The following LDLRAD4 variants were observed in gnomAD, a reference collection of about 807,000 sequenced individuals.
The protein encoded by LDLRAD4 is low-density lipoprotein receptor class A domain-containing protein 4.
In LDLRAD4, 5 loss-of-function variants were observed where a neutral mutation model predicts 17.0. The ratio of observed to expected loss-of-function variants is 0.29; its 90% CI spans 0.15 to 0.62. The LOEUF (loss-of-function observed/expected upper bound fraction) is 0.62, where lower values mean the gene tolerates loss of function less well. Ranked by LOEUF, LDLRAD4 falls within the 20% of genes least tolerant of loss-of-function variation. The pLI is 0.84. For synonymous variants in LDLRAD4, 168 were observed against 171.8 expected (o/e 0.98, Z 0.17); for missense variants, 340 against 424.7 (o/e 0.80, Z 1.75).
intron 3 of LDLRAD4, among the ~76,000 whole-genome samples, chr18:13,545,412 A>AT (rs982049993): frequency 1.3e-5 from 2 of 152,184 alleles, no homozygotes; most frequent in African/African-American, 4.8e-5. Flanking sequence ...GCCCTTAGTT[A>AT]AAGTGTGGGA....
At chr18:13,650,312 G>A in exon 6 of LDLRAD4, 1 of 403,064 alleles carries the variant, frequency 2.5e-6, no homozygotes, top group Non-Finnish European at 4.4e-6. Flanking sequence ...TCTGAGTGTA[G>A]GAATGTCTTG....
intron 2 of LDLRAD4, among the ~76,000 whole-genome samples, chr18:13,409,228 A>G (rs899022355): frequency 6.6e-6 from 1 of 152,226 alleles, no homozygotes; most frequent in African/African-American, 2.4e-5. Flanking sequence ...AGATGAGACC[A>G]GGCCTCATGG....
chr18:13,461,230 G>A (rs1197776739), intron 3 of LDLRAD4: 1 of 152,460 alleles, frequency 6.6e-6, no homozygotes, highest in African/African-American at 2.4e-5. Flanking sequence ...GTAGGCAGGG[G>A]TCTTCGTGGC....
intron 3 of LDLRAD4, among the ~76,000 whole-genome samples, chr18:13,514,328 A>G (rs968910647): frequency 2.6e-5 from 4 of 152,246 alleles, no homozygotes; most frequent in Admixed American, 1.3e-4. Context: ...TACTGTGGGA[A>G]TTAGATGAAT....
At chr18:13,298,451 A>G (rs377676456) in intron 1 of LDLRAD4, among the ~76,000 whole-genome samples, 9 of 132,830 alleles carry the variant, frequency 6.8e-5, no homozygotes, top group East Asian at 4.8e-4. Context: ...GGGCACGGCA[A>G]TTTTGCTGCT....
intron 2 of LDLRAD4, among the ~76,000 whole-genome samples, chr18:13,434,085 A>T (rs139971815): frequency 6.6e-6 from 1 of 152,208 alleles, no homozygotes; most frequent in African/African-American, 2.4e-5. Flanking sequence ...TTAAGATTTG[A>T]TGACTCTGGG....
At chr18:13,364,118 A>G (rs2083887082) in intron 1 of LDLRAD4, among the ~76,000 whole-genome samples, 1 of 152,370 alleles carries the variant, frequency 6.6e-6, no homozygotes, top group African/African-American at 2.4e-5. Flanking sequence ...ATCATATCAT[A>G]GTATCTGTAA....
At chr18:13,265,038 C>T (rs1428360473) in intron 1 of LDLRAD4, among the ~76,000 whole-genome samples, 1 of 152,210 alleles carries the variant, frequency 6.6e-6, no homozygotes, top group African/African-American at 2.4e-5. Flanking sequence ...TGACCCCCTC[C>T]TGGCTCCCTG....
At chr18:13,319,291 G>C (rs891591046) in intron 1 of LDLRAD4, among the ~76,000 whole-genome samples, 3 of 152,182 alleles carry the variant, frequency 2.0e-5, no homozygotes, top group East Asian at 1.9e-4. Flanking sequence ...CCCAGTTCAC[G>C]GGCGAGTAAC....
intron 1 of LDLRAD4, among the ~76,000 whole-genome samples, chr18:13,283,887 A>G (rs1406749894): frequency 6.6e-6 from 1 of 152,198 alleles, no homozygotes; most frequent in East Asian, 1.9e-4. Context: ...ATCGTGGCTG[A>G]GGGCAAAAGG....
At chr18:13,301,187 G>A (rs566018659) in intron 1 of LDLRAD4, among the ~76,000 whole-genome samples, 16 of 152,278 alleles carry the variant, frequency 1.1e-4, no homozygotes, top group Admixed American at 4.6e-4. Flanking sequence ...TACCTTTAGC[G>A]TGCTGGAGAC....
rs138335625 is a variant in LDLRAD4 at position 13,251,521 on chromosome 18, A to G, written c.-466-26584A>G. 1.3e-4 allele frequency among the ~76,000 whole-genome samples: 20 copies of G among 152,344 alleles called. No homozygotes were observed. In the East Asian group the frequency reaches 3.9e-3, roughly 29 times the overall value. ...CTTAGAACTGGTAAATGAATTCAGT[A>G]AAGTTGCAGGATACAAAATCACCAT... On this transcript the variant is annotated intron_variant, in intron 1 of 5. Transcript: ENST00000399848.
chr18:13,363,541 C>T (rs1034915957), intron 1 of LDLRAD4, among the ~76,000 whole-genome samples: 3 of 152,114 alleles, frequency 2.0e-5, no homozygotes, highest in Non-Finnish European at 4.4e-5. Flanking sequence ...TGTTATGCAT[C>T]GTGTCAGAGG....
rs542413088 is a variant in LDLRAD4, at chr18:13,468,684, G to A, written c.181+30300G>A. Among the ~76,000 whole-genome samples the A allele has an allele frequency of 4.7e-4, 72 of 151,770 alleles. No individual in the cohort carries two copies. In the East Asian group the frequency reaches 8.9e-3, roughly 19 times the overall value. On this transcript the variant is annotated intron_variant, in intron 3 of 5. Transcript: ENST00000359446. ...ACTATACAGCCATAAAAAATGATGAGTTCATGTCCTTTGTAGGGACATGGA... is the reference window on the plus strand; with the variant it reads ...ACTATACAGCCATAAAAAATGATGAATTCATGTCCTTTGTAGGGACATGGA...
At chr18:13,420,899 A>G (rs1555679948) in intron 2 of LDLRAD4, 1 of 152,374 alleles carries the variant, frequency 6.6e-6, no homozygotes, top group East Asian at 1.9e-4. Context: ...CTCAGTGCAC[A>G]GGGAGCCTAG....
chr18:13,232,533 C>T (rs2042131536), intron 1 of LDLRAD4, among the ~76,000 whole-genome samples: 1 of 150,018 alleles, frequency 6.7e-6, no homozygotes, highest in Non-Finnish European at 1.5e-5. Context: ...TGTAAATCGC[C>T]TTCCTTCCCT....
chr18:13,564,580 T>TAAAA (rs367805996), intron 3 of LDLRAD4, among the ~76,000 whole-genome samples: 1 of 82,456 alleles, frequency 1.2e-5, no homozygotes. Context: ...TCCCATTTTC[T>TAAAA]AAAAAAAAAA....
At chr18:13,529,417 A>T (rs905607294) in intron 3 of LDLRAD4, among the ~76,000 whole-genome samples, 3 of 152,268 alleles carry the variant, frequency 2.0e-5, no homozygotes, top group African/African-American at 7.2e-5. Context: ...AAAGGAGGTC[A>T]TCCACAAGTA....
Position 13,628,202 on chromosome 18 carries a change from A to C in LDLRAD4, c.336+6931A>C, listed in dbSNP as rs1891335241. Among the ~76,000 whole-genome samples the C allele has an allele frequency of 1.3e-5, 2 of 152,222 alleles. 1 individual carries two copies. The highest frequency in any genetic ancestry group is 4.1e-4 in the South Asian group (2 of 4,832). ...AGAAAAGCATGTGGAAAACGATGGA[A>C]AGGAATGATTTTCAGTAAGGCTTGA... On this transcript the variant is annotated intron_variant, in intron 4 of 5. Transcript: ENST00000359446.
Sources: allele counts gnomAD v4.1 joint callset (sites outside exome capture counted in the v4.1 genomes callset), GRCh38; gene constraint gnomAD v4.1.1; transcripts MANE v1.5; gene names NCBI Gene and HGNC (gene_info 2026-07-23, HGNC 2026-07-21).